The following FAM20C variants were observed in gnomAD, a reference collection of about 807,000 sequenced individuals.
FAM20C encodes FAM20C golgi associated secretory pathway kinase, also known as extracellular serine/threonine protein kinase FAM20C.
Under a neutral mutation model 51.5 loss-of-function variants are expected in FAM20C, and 40 were observed. The observed-to-expected ratio is 0.78, with a 90% CI of 0.60 to 1.01. The LOEUF is 1.01. Ranked by LOEUF, FAM20C falls within the 50% of genes least tolerant of loss-of-function variation. FAM20C has a pLI of 0.00. For missense variants in FAM20C, 861 were observed against 844.7 expected (o/e 1.02, Z -0.24); for synonymous variants, 406 against 380.6 (o/e 1.07, Z -0.78).
Position 259,801 on chromosome 7 carries a change from G to A in FAM20C, c.1576G>A (p.Ala526Thr), listed in dbSNP as rs1235071268. 6.5e-7 allele frequency: 1 copy of A among 1,536,532 alleles called. No individual in the cohort carries two copies. Among genetic ancestry groups the A allele is most frequent in the African/African-American group, 1.4e-5 (1 of 73,054 alleles). ...GGAGTACAAGCTGAGCCTGCTGATG[G>A]CCGAGTCTCTGCGGGGGGACCAGGT... ...KEEYKLSLLM[A>T]ESLRGDQVAP... Residue 526 changes from alanine (A) to threonine (T), a missense_variant, in exon 10 of 10, where the codon GCC becomes ACC. Physicochemically the swap from Ala to Thr is moderately conservative, Grantham distance 58 (BLOSUM62 0). Coordinates refer to ENST00000313766, the MANE Select transcript of FAM20C (RefSeq NM_020223.4).
At chr7:223,836 T>A (rs1227825833) in intron 3 of FAM20C, among the ~76,000 whole-genome samples, 1 of 149,936 alleles carries the variant, frequency 6.7e-6, no homozygotes, top group Non-Finnish European at 1.5e-5. Context: ...AATCCTGAAA[T>A]GAGCTTTCGA....
At chr7:228,918 C>G in intron 3 of FAM20C, 1 of 417,236 alleles carries the variant, frequency 2.4e-6, no homozygotes, top group South Asian at 1.7e-5. Flanking sequence ...CACTGGGAGC[C>G]CCTTCCAAGA....
rs554073659 is a variant in FAM20C at position 242,760 on chromosome 7, G to A, written c.864-3655G>A. Among the ~76,000 whole-genome samples the A allele has an allele frequency of 2.0e-3, 310 of 152,322 alleles. 1 individual carries two copies. Among genetic ancestry groups the A allele is most frequent in the African/African-American group, 7.1e-3 (294 of 41,570 alleles). On this transcript the variant is annotated intron_variant, in intron 3 of 9. Coordinates refer to ENST00000313766, the MANE Select transcript of FAM20C (RefSeq NM_020223.4). ...CAGCCATGTGTGGCCACTGGCTGCC[G>A]AGTTGGACAGCGCAGAAGGTCACGT...
At chr7:259,668 G>A (rs964847425) in intron 9 of FAM20C, 63 bp from the exon 10 acceptor site, 159 of 1,376,196 alleles carry the variant, frequency 1.2e-4, no homozygotes, top group East Asian at 2.8e-4. Flanking sequence ...ACTTTCTCTC[G>A]CTTTCCCGTG....
chr7:226,653 C>A (rs760292308), intron 3 of FAM20C, among the ~76,000 whole-genome samples: 2 of 152,160 alleles, frequency 1.3e-5, no homozygotes, highest in Non-Finnish European at 2.9e-5. Flanking sequence ...CCACGACAGG[C>A]CCGAATCCGC....
At chr7:217,620 C>T (rs28545620) in intron 3 of FAM20C, among the ~76,000 whole-genome samples, 8,702 of 152,204 alleles carry the variant, frequency 0.057, 443 homozygotes, top group East Asian at 0.21. Context: ...TTCCCTGAAG[C>T]GGCTTCTGAG....
chr7:234,868 G>A (rs937560792), intron 3 of FAM20C, among the ~76,000 whole-genome samples: 7 of 152,178 alleles, frequency 4.6e-5, no homozygotes, highest in South Asian at 2.1e-4. Context: ...AGAAGCCCAC[G>A]GCACTGCATG....
Position 246,325 on chromosome 7 carries a change from A to C in FAM20C, c.864-90A>C, listed in dbSNP as rs971467458. On this transcript the variant is annotated intron_variant, in intron 3 of 9. Transcript: ENST00000313766. ...AGGCTGGAGCTCCACCGCATTTTTC[A>C]TATGAGGAACCCAGCACGTCCCGCC... 1.0e-5 allele frequency: 11 copies of C among 1,104,220 alleles called. No individual in the cohort carries two copies. The Admixed American group carries it at 1.0e-4, about 10-fold the overall frequency. 68.4% of individuals were successfully genotyped at this position (1,104,220 alleles called of 1,614,324 possible). A position where few individuals can be genotyped will look rare whatever the true frequency, so the allele number is the denominator to read the frequency against.
chr7:204,574 G>A (rs73671767), intron 2 of FAM20C, among the ~76,000 whole-genome samples: 4,417 of 152,372 alleles, frequency 0.029, 102 homozygotes, highest in African/African-American at 0.064. Flanking sequence ...GGGAGGGCAC[G>A]TGGCGCTTGA....
rs1161957120 is a variant in FAM20C, at chr7:257,963, G to C, written c.1446-683G>C. Among the ~76,000 whole-genome samples, 170 of 35,092 alleles carry C rather than the reference G, an allele frequency of 4.8e-3. 39 individuals carry two copies. Among genetic ancestry groups the C allele is most frequent in the Non-Finnish European group, 7.6e-3 (115 of 15,164 alleles). The allele number at this position is 35,092 out of a possible 152,430, so 23.0% of individuals were successfully genotyped here. A position where few individuals can be genotyped will look rare whatever the true frequency, so the allele number is the denominator to read the frequency against. ...GATGCCCGGGGTGGACCCACTGCCT[G>C]AGGTGCTGGAGATAGGCAGTGTGGA... On this transcript the variant is annotated intron_variant, in intron 8 of 9. Coordinates refer to ENST00000313766, the MANE Select transcript of FAM20C (RefSeq NM_020223.4).
intron 5 of FAM20C, among the ~76,000 whole-genome samples, chr7:248,851 G>T (rs145441669): frequency 6.7e-6 from 1 of 148,896 alleles, no homozygotes; most frequent in Non-Finnish European, 1.5e-5. Flanking sequence ...ACGGGGGCCC[G>T]CATTCATCTC....
In FAM20C at chr7:257,981, A is replaced by AGG. The variant is rs1562401272; in HGVS notation, c.1446-664_1446-663insGG. Among the ~76,000 whole-genome samples, 5 of 59,128 alleles carry AGG rather than the reference A, an allele frequency of 8.5e-5. 1 individual carries two copies. The highest frequency in any genetic ancestry group is 3.4e-4 in the African/African-American group (5 of 14,680). The allele number at this position is 59,128 out of a possible 152,430, so 38.8% of individuals were successfully genotyped here. On this transcript the variant is annotated intron_variant, in intron 8 of 9. Transcript: ENST00000313766. ...ACTGCCTGAGGTGCTGGAGATAGGCAGTGTGGACCCACTGCCTGGGGTGCT... is the reference window on the plus strand; with the variant it reads ...ACTGCCTGAGGTGCTGGAGATAGGCAGGGTGTGGACCCACTGCCTGGGGTGCT...
At chr7:236,299 G>C (rs1435602890) in intron 3 of FAM20C, among the ~76,000 whole-genome samples, 1 of 152,228 alleles carries the variant, frequency 6.6e-6, no homozygotes, top group South Asian at 2.1e-4. Context: ...CAACCTTGCA[G>C]GTGCAGGGAG....
At chr7:195,782 C>T (rs760011462) in intron 2 of FAM20C, 50 bp downstream of exon 2, 4 of 1,471,040 alleles carry the variant, frequency 2.7e-6, no homozygotes, top group Non-Finnish European at 2.7e-6. Context: ...GGCTGTGTGG[C>T]ATCAGGGCTG....
rs774568715 is a variant in FAM20C at position 260,113 on chromosome 7, A to G, written c.*133A>G. On this transcript the variant is annotated 3_prime_UTR_variant, in exon 10 of 10. Coordinates refer to ENST00000313766, the MANE Select transcript of FAM20C (RefSeq NM_020223.4). ...ATCCGGAGTCGGGAGCTGCTGCCAC[A>G]GGAGGCGAGGCTCCCCAGGTCTCAT... 418 of 1,253,272 alleles carry G rather than the reference A, an allele frequency of 3.3e-4. 1 individual carries two copies. The Middle Eastern group carries it at 7.4e-3, about 22-fold the overall frequency. 77.6% of individuals were successfully genotyped at this position (1,253,272 alleles called of 1,614,324 possible).
chr7:222,863 C>T (rs1042369323), intron 3 of FAM20C, among the ~76,000 whole-genome samples: 4 of 106,278 alleles, frequency 3.8e-5, no homozygotes, highest in Admixed American at 9.1e-5. Flanking sequence ...TGTGGGTGCA[C>T]GTGTCGGTGT....
intron 3 of FAM20C, among the ~76,000 whole-genome samples, chr7:240,677 G>A (rs1026774751): frequency 1.1e-4 from 17 of 152,152 alleles, no homozygotes; most frequent in African/African-American, 3.6e-4. Flanking sequence ...ACACCTGTTC[G>A]GAAGCAAGCC....
At chr7:220,587 C>G (rs1050944133) in intron 3 of FAM20C, among the ~76,000 whole-genome samples, 1 of 152,176 alleles carries the variant, frequency 6.6e-6, no homozygotes, top group Admixed American at 6.5e-5. Context: ...GTGTAGGCAC[C>G]GCCTGGGGAA....
At position 193,681 on chromosome 7, in the gene FAM20C, T is replaced by G; in HGVS notation, c.482T>G (p.Leu161Arg). Reference protein sequence around the residue: ...PPGPGGDASLLARLFEHPLYR... With the variant: ...PPGPGGDASLRARLFEHPLYR... ...GGCCCCGGCGGAGACGCCTCCCTCC[T>G]GGCCAGGCTGTTCGAGCACCCGCTT... Residue 161 changes from leucine (L) to arginine (R), a missense_variant, in exon 1 of 10, where the codon CTG (leucine) becomes CGG (arginine). By Grantham distance (102) the Leu-to-Arg change is moderately radical. This residue lies in a region of FAM20C where 561 missense variants were observed against 499.8 expected (regional missense o/e 1.12). Transcript: ENST00000313766. The G allele has an allele frequency of 1.3e-6, 2 of 1,543,358 alleles. No homozygotes were observed. The highest frequency in any genetic ancestry group is 1.7e-6 in the Non-Finnish European group (2 of 1,144,162).
Sources: allele counts gnomAD v4.1 joint callset (sites outside exome capture counted in the v4.1 genomes callset), GRCh38; gene constraint gnomAD v4.1.1; regional missense constraint gnomAD v4.1.1; transcripts MANE v1.5; gene names NCBI Gene and HGNC (gene_info 2026-07-23, HGNC 2026-07-21).